The following NDST4 variants were observed in gnomAD, a reference collection of about 807,000 sequenced individuals.
The protein encoded by NDST4 is N-deacetylase and N-sulfotransferase 4.
NDST4 carries 63 observed loss-of-function variants against 100.8 expected under a neutral mutation model. The observed-to-expected ratio is 0.62, with a 90% confidence interval of 0.51 to 0.77. The LOEUF is 0.77. Ranked by LOEUF, NDST4 falls within the 30% of genes least tolerant of loss-of-function variation. NDST4 has a pLI of 0.00. For missense variants in NDST4, 943 were observed against 1,018.4 expected, an observed-to-expected ratio of 0.93 and a Z score of 1.01; for synonymous variants, 377 against 361.8, an observed-to-expected ratio of 1.04 and a Z score of -0.48.
intron 1 of NDST4, among the ~76,000 whole-genome samples, chr4:115,085,384 T>C (rs1372916919): frequency 6.6e-6 from 1 of 152,162 alleles, no homozygotes; most frequent in African/African-American, 2.4e-5. Flanking sequence ...GTTAAGACTT[T>C]GGAGGACTGT....
intron 7 of NDST4, among the ~76,000 whole-genome samples, chr4:114,865,746 C>T (rs1024319811): frequency 6.6e-6 from 1 of 151,836 alleles, no homozygotes; most frequent in Non-Finnish European, 1.5e-5. Flanking sequence ...GGAATTTGAC[C>T]CTTGACAAGA....
At chr4:115,017,922 T>TA (rs201027929) in intron 2 of NDST4, among the ~76,000 whole-genome samples, 23 of 151,186 alleles carry the variant, frequency 1.5e-4, no homozygotes, top group Non-Finnish European at 2.8e-4. Context: ...TATTCTTTTG[T>TA]AAAAAAAAAT....
At chr4:114,946,309 C>T (rs1578406288) in intron 4 of NDST4, among the ~76,000 whole-genome samples, 1 of 152,038 alleles carries the variant, frequency 6.6e-6, no homozygotes, top group Non-Finnish European at 1.5e-5. Context: ...AAATGCCTGC[C>T]TTCAGGGAGC....
intron 1 of NDST4, among the ~76,000 whole-genome samples, chr4:115,095,698 C>T (rs911170333): frequency 7.9e-5 from 12 of 152,076 alleles, no homozygotes; most frequent in Non-Finnish European, 1.5e-5. Context: ...AAAAAGTACT[C>T]ATGAATAATT....
chr4:114,855,109 C>A (rs1723764412), intron 7 of NDST4, among the ~76,000 whole-genome samples: 1 of 152,024 alleles, frequency 6.6e-6, no homozygotes, highest in Non-Finnish European at 1.5e-5. Flanking sequence ...AGATCCTTTG[C>A]CCATTTTTAA....
chr4:115,102,528 T>C lies in NDST4; in HGVS notation c.-247+10916A>G, dbSNP rs114367802. ...ATTATATTCAGAAGTTACATTAATA[T>C]CCATAGTCTCTTAGAAGCTATATTT... On this transcript the variant is annotated intron_variant, in intron 1 of 13. Coordinates refer to ENST00000264363, the MANE Select transcript of NDST4 (RefSeq NM_022569.3). 4.9e-3 allele frequency among the ~76,000 whole-genome samples: 743 copies of C among 152,136 alleles called. 6 individuals are homozygous for C. The highest frequency in any genetic ancestry group is 0.017 in the African/African-American group (710 of 41,530).
intron 7 of NDST4, 42 bp from the exon 8 acceptor site, chr4:114,852,863 G>A: frequency 7.4e-7 from 1 of 1,348,552 alleles, no homozygotes; most frequent in Non-Finnish European, 1.0e-6. Flanking sequence ...TGTAATGACT[G>A]TCTGGCTCTG....
At chr4:115,070,843 G>T (rs1729060395) in intron 2 of NDST4, among the ~76,000 whole-genome samples, 1 of 152,120 alleles carries the variant, frequency 6.6e-6, no homozygotes, top group Admixed American at 6.6e-5. Context: ...GGTGGCTCAT[G>T]CCTGTAATCC....
chr4:115,048,139 T>C (rs1395401779), intron 2 of NDST4, among the ~76,000 whole-genome samples: 1 of 151,536 alleles, frequency 6.6e-6, no homozygotes, highest in African/African-American at 2.4e-5. Context: ...CCTGACAAAC[T>C]TTTTAGCTGA....
intron 2 of NDST4, among the ~76,000 whole-genome samples, chr4:115,002,011 T>C (rs937167365): frequency 2.0e-5 from 3 of 152,142 alleles, no homozygotes; most frequent in Admixed American, 2.0e-4. Flanking sequence ...TATCAAATAA[T>C]AAATTAAAAA....
intron 2 of NDST4, among the ~76,000 whole-genome samples, chr4:115,035,295 T>C (rs1421861419): frequency 6.6e-6 from 1 of 152,086 alleles, no homozygotes; most frequent in Non-Finnish European, 1.5e-5. Context: ...AATAAAACAA[T>C]AATGCAAGAA....
intron 7 of NDST4, among the ~76,000 whole-genome samples, chr4:114,867,053 G>A (rs935777368): frequency 1.3e-5 from 2 of 152,042 alleles, no homozygotes; most frequent in Non-Finnish European, 2.9e-5. Context: ...CTTTAGTCCT[G>A]ACTTGTTCCT....
chr4:115,060,892 A>G (rs944625662), intron 2 of NDST4, among the ~76,000 whole-genome samples: 3 of 152,086 alleles, frequency 2.0e-5, no homozygotes, highest in Admixed American at 6.6e-5. Flanking sequence ...TCTTCTTTCA[A>G]TTAGTAGTTT....
At chr4:115,075,630 C>T (rs1268748059) in intron 2 of NDST4, among the ~76,000 whole-genome samples, 3 of 151,756 alleles carry the variant, frequency 2.0e-5, no homozygotes, top group Admixed American at 6.6e-5. Context: ...ACTTAAAATA[C>T]AAAAATTAGC....
intron 2 of NDST4, among the ~76,000 whole-genome samples, chr4:115,037,015 AAT>A (rs1187077004): frequency 3.3e-5 from 5 of 152,002 alleles, no homozygotes; most frequent in African/African-American, 9.7e-5. Flanking sequence ...TATGTGTTTT[AAT>A]AGAGAAAAAG....
At chr4:115,095,928 T>G (rs1729612747) in intron 1 of NDST4, among the ~76,000 whole-genome samples, 1 of 152,112 alleles carries the variant, frequency 6.6e-6, no homozygotes, top group Non-Finnish European at 1.5e-5. Flanking sequence ...TTTGCTCACT[T>G]CACCTGTTAA....
chr4:114,865,696 A>ATT (rs11396814), intron 7 of NDST4, among the ~76,000 whole-genome samples: 1 of 151,916 alleles, frequency 6.6e-6, no homozygotes, highest in South Asian at 2.1e-4. Flanking sequence ...TCTGCAAGTA[A>ATT]TTTTTTTTAT....
At chr4:114,951,011 G>A (rs746328354) in intron 4 of NDST4, among the ~76,000 whole-genome samples, 1 of 151,764 alleles carries the variant, frequency 6.6e-6, no homozygotes, top group Non-Finnish European at 1.5e-5. Context: ...CGTCTGTTGA[G>A]GAAAGGAAGA....
At chr4:115,003,448 T>C (rs1473842471) in intron 2 of NDST4, among the ~76,000 whole-genome samples, 3 of 152,316 alleles carry the variant, frequency 2.0e-5, no homozygotes, top group South Asian at 4.1e-4. Flanking sequence ...CTAGTGTCTA[T>C]TATTCTCCAG....
Sources: gnomAD v4.1 joint callset for allele counts (sites outside exome capture counted in the v4.1 genomes callset) on GRCh38, gnomAD v4.1.1 for gene constraint, MANE v1.5 for transcripts, NCBI Gene and HGNC (gene_info 2026-07-23, HGNC 2026-07-21) for gene names.